Variants in CCDC73 observed in about 807,000 individuals in gnomAD.
CCDC73 encodes the protein coiled-coil domain-containing protein 73.
In CCDC73, 95 loss-of-function variants were observed where a neutral mutation model predicts 116.5. That is an observed-to-expected ratio of 0.82 (90% CI 0.69 to 0.97). CCDC73 has a LOEUF of 0.97. CCDC73 is among the 50% of genes least tolerant of loss of function. The probability of loss-of-function intolerance (pLI) is 0.00; values close to 1 mark genes in which losing one functional copy is unlikely to be tolerated. For synonymous variants in CCDC73, 398 were observed against 401.3 expected (o/e 0.99, Z 0.10); for missense variants, 1,066 against 1,206.8 (o/e 0.88, Z 1.73).
chr11:32,727,572 ATT>A, intron 2 of CCDC73, among the ~76,000 whole-genome samples: 1 of 150,556 alleles, frequency 6.6e-6, no homozygotes, highest in Non-Finnish European at 1.5e-5. Flanking sequence ...GCCTGAAGCA[ATT>A]TTTTTTTCTT....
intron 2 of CCDC73, among the ~76,000 whole-genome samples, chr11:32,734,119 T>G (rs1421919703): frequency 5.3e-5 from 8 of 152,148 alleles, no homozygotes; most frequent in Non-Finnish European, 1.2e-4. Context: ...AAATACAAAC[T>G]ACCATCAGAG....
chr11:32,805,278 G>A, the CCDC73 span, among the ~76,000 whole-genome samples: 1,576 of 152,202 alleles, frequency 0.01, 26 homozygotes, highest in African/African-American at 0.036. Context: ...TGCTTTTCAT[G>A]TTAATGCTAT....
At chr11:32,632,100 G>GT (rs1346421706) in intron 14 of CCDC73, among the ~76,000 whole-genome samples, 3 of 152,138 alleles carry the variant, frequency 2.0e-5, no homozygotes, top group Non-Finnish European at 4.4e-5. Context: ...AACATTCTAG[G>GT]TAAGACTTTA....
chr11:32,686,495 A>C (rs1856203630), intron 6 of CCDC73, among the ~76,000 whole-genome samples: 1 of 151,960 alleles, frequency 6.6e-6, no homozygotes. Flanking sequence ...GGCATTCAGC[A>C]CAAAAGCAAA....
intron 1 of CCDC73, among the ~76,000 whole-genome samples, chr11:32,791,488 T>C (rs185336732): frequency 1.3e-5 from 2 of 152,366 alleles, no homozygotes; most frequent in Non-Finnish European, 2.9e-5. Flanking sequence ...TTCCCAAGTT[T>C]ACCTTGATCT....
chr11:32,760,024 T>G (rs1031033198), intron 2 of CCDC73, 85 bp downstream of exon 2: 4 of 1,126,538 alleles, frequency 3.6e-6, no homozygotes, highest in Non-Finnish European at 5.2e-6. Context: ...GAGGGATTTT[T>G]TAGGCTTTTT....
the CCDC73 span, among the ~76,000 whole-genome samples, chr11:32,817,793 A>G: frequency 7.2e-5 from 11 of 152,256 alleles, no homozygotes; most frequent in African/African-American, 2.4e-4. Flanking sequence ...AGTCAAAATC[A>G]TACAGTCATG....
Position 32,699,271 on chromosome 11 carries a change from C to T in CCDC73, c.370G>A (p.Glu124Lys), listed in dbSNP as rs1260842512. 6.3e-7 allele frequency: 1 copy of T among 1,581,136 alleles called. No homozygotes were observed. Among genetic ancestry groups the T allele is most frequent in the Non-Finnish European group, 8.6e-7 (1 of 1,160,082 alleles). ...IKEKEIEGLK[E>K]TLKALQVSKY... ...TTTACCTGTAGTGCTTTTAATGTTTCCTTCAATCCTTCTATTTCTTTTTCC... is the reference window on the plus strand; with the variant it reads ...TTTACCTGTAGTGCTTTTAATGTTTTCTTCAATCCTTCTATTTCTTTTTCC... Residue 124 changes from glutamate (E) to lysine (K), a missense_variant, in exon 6 of 18, where the codon GAA becomes AAA. Coordinates refer to ENST00000335185, the MANE Select transcript of CCDC73 (RefSeq NM_001008391.4).
At chr11:32,678,885 A>C (rs1244815553) in intron 7 of CCDC73, among the ~76,000 whole-genome samples, 4 of 87,548 alleles carry the variant, frequency 4.6e-5, no homozygotes, top group Middle Eastern at 5.7e-3. Flanking sequence ...TCCGTCACAA[A>C]AAAAAAAAAA....
At chr11:32,689,750 C>T (rs545612997) in intron 6 of CCDC73, among the ~76,000 whole-genome samples, 2 of 152,104 alleles carry the variant, frequency 1.3e-5, no homozygotes, top group Admixed American at 1.3e-4. Context: ...AATCCCAGCA[C>T]TTTGGGAGGC....
chr11:32,631,601 GGAAA>G lies in CCDC73; in HGVS notation c.1185+4091_1185+4094del, dbSNP rs141295076. On this transcript the variant is annotated intron_variant, in intron 14 of 17. Transcript: ENST00000335185. ...AAAGGAAGGAAAGGAAGGAAAGGAA[GGAAA>G]GGAAGGGAAGGGAAGGGAAGGGACG... Among the ~76,000 whole-genome samples the G allele has an allele frequency of 5.7e-3, 676 of 119,510 alleles. 10 individuals are homozygous for G. The highest frequency in any genetic ancestry group is 0.019 in the African/African-American group (654 of 34,280). 78.4% of individuals were successfully genotyped at this position (119,510 alleles called of 152,430 possible).
intron 3 of CCDC73, among the ~76,000 whole-genome samples, chr11:32,712,666 T>G (rs1037821375): frequency 1.3e-5 from 2 of 152,022 alleles, no homozygotes; most frequent in Non-Finnish European, 2.9e-5. Flanking sequence ...TAATACTATT[T>G]GACAATTGCC....
the CCDC73 span, chr11:32,830,453 C>CAA: frequency 6.3e-6 from 8 of 1,269,010 alleles, no homozygotes; most frequent in African/African-American, 7.8e-5. Flanking sequence ...GACAGAAACT[C>CAA]AAAGTGCTGA....
chr11:32,679,026 G>A (rs1856119802), intron 7 of CCDC73, among the ~76,000 whole-genome samples: 1 of 151,880 alleles, frequency 6.6e-6, no homozygotes, highest in Non-Finnish European at 1.5e-5. Context: ...ATTTTTTAAT[G>A]ATTTTAAACA....
intron 3 of CCDC73, among the ~76,000 whole-genome samples, chr11:32,716,350 T>C (rs1849944253): frequency 6.6e-6 from 1 of 152,220 alleles, no homozygotes; most frequent in South Asian, 2.1e-4. Context: ...TATTTGGATC[T>C]ATTTCTAGAT....
intron 6 of CCDC73, among the ~76,000 whole-genome samples, chr11:32,691,089 G>C (rs761815121): frequency 9.3e-5 from 14 of 150,636 alleles, no homozygotes; most frequent in Admixed American, 2.6e-4. Flanking sequence ...TTGTCCCCCA[G>C]GCTGGAGTGC....
At chr11:32,742,630 T>C (rs1297544157) in intron 2 of CCDC73, among the ~76,000 whole-genome samples, 1 of 152,184 alleles carries the variant, frequency 6.6e-6, no homozygotes, top group East Asian at 1.9e-4. Context: ...GATGATACTT[T>C]CTTTGCTGTG....
At chr11:32,799,693 C>G in the CCDC73 span, among the ~76,000 whole-genome samples, 2 of 152,136 alleles carry the variant, frequency 1.3e-5, no homozygotes, top group Non-Finnish European at 2.9e-5. Context: ...GTTTTCATAT[C>G]CTACACTATT....
the CCDC73 span, among the ~76,000 whole-genome samples, chr11:32,814,751 T>C: frequency 6.6e-6 from 1 of 152,140 alleles, no homozygotes; most frequent in Non-Finnish European, 1.5e-5. Flanking sequence ...ACATTATTCA[T>C]AATAGTCAAA....
Sources: allele counts gnomAD v4.1 joint callset (sites outside exome capture counted in the v4.1 genomes callset), GRCh38; gene constraint gnomAD v4.1.1; transcripts MANE v1.5; gene names NCBI Gene and HGNC (gene_info 2026-07-23, HGNC 2026-07-21).